The following C3orf33 variants were observed in gnomAD, a reference collection of about 807,000 sequenced individuals.
C3orf33 encodes the protein AP-1 activity suppressor.
In C3orf33, 23 loss-of-function variants were observed where a neutral mutation model predicts 28.7. That is an observed-to-expected ratio of 0.80 (90% CI 0.58 to 1.13). The LOEUF (loss-of-function observed/expected upper bound fraction) is 1.13, where lower values mean the gene tolerates loss of function less well. Ranked by LOEUF, C3orf33 falls within the 50% of genes most tolerant of loss-of-function variation. C3orf33 has a pLI of 0.00. For missense variants in C3orf33, 327 were observed against 353.4 expected (o/e 0.93, Z 0.60); for synonymous variants, 119 against 120.5 (o/e 0.99, Z 0.08).
At chr3:155,797,958 C>G (rs1751527079) in intron 2 of C3orf33, among the ~76,000 whole-genome samples, 1 of 151,778 alleles carries the variant, frequency 6.6e-6, no homozygotes, top group African/African-American at 2.4e-5. Context: ...GTAATCCCAG[C>G]TACTTGGGAG....
At chr3:155,774,623 C>A (rs1345674226) in intron 3 of C3orf33, among the ~76,000 whole-genome samples, 1 of 148,788 alleles carries the variant, frequency 6.7e-6, no homozygotes, top group Admixed American at 6.7e-5. Context: ...TATGTCCCAA[C>A]ACAAATTTGT....
At chr3:155,805,718 G>GC in intron 1 of C3orf33, 1 of 448,044 alleles carries the variant, frequency 2.2e-6, no homozygotes, top group South Asian at 1.6e-5. Flanking sequence ...GAGGAATACC[G>GC]TGTCCCTAAA....
chr3:155,768,005 G>A (rs1750467646), intron 3 of C3orf33, among the ~76,000 whole-genome samples: 1 of 152,038 alleles, frequency 6.6e-6, no homozygotes, highest in Non-Finnish European at 1.5e-5. Flanking sequence ...TCAACCTCCT[G>A]AGTAGCTGGG....
chr3:155,773,080 G>T (rs1750640134), intron 3 of C3orf33, among the ~76,000 whole-genome samples: 1 of 152,046 alleles, frequency 6.6e-6, no homozygotes, highest in African/African-American at 2.4e-5. Context: ...GCCCTCCTCA[G>T]AAATAGAATA....
intron 3 of C3orf33, among the ~76,000 whole-genome samples, chr3:155,772,118 T>C (rs1052143227): frequency 3.9e-5 from 6 of 152,172 alleles, no homozygotes; most frequent in African/African-American, 1.4e-4. Flanking sequence ...GGCAAGAGGA[T>C]AGCTTCAGCT....
chr3:155,799,245 A>G (rs1039374184), intron 2 of C3orf33, among the ~76,000 whole-genome samples: 4 of 152,232 alleles, frequency 2.6e-5, no homozygotes, highest in South Asian at 2.1e-4. Flanking sequence ...GAAGTACCAT[A>G]TGATCCAGCA....
At position 155,763,669 on chromosome 3, in the gene C3orf33, T is replaced by G; in HGVS notation, c.733A>C (p.Thr245Pro). Residue 245 changes from threonine to proline, a missense_variant, in exon 5 of 5, where the codon ACA (threonine) becomes CCA (proline). By Grantham distance (38) the Thr-to-Pro change is conservative. Transcript: ENST00000340171. ...TTCAAGCTGAAATCTGATCCTGTTG[T>G]TTTTAAAAAACTGTCCTTTTTCCAT... ...EIWKKDSFLKTTGSDFSLKKE... is the reference protein window; with the variant it reads ...EIWKKDSFLKPTGSDFSLKKE... 7 of 1,595,802 alleles carry G rather than the reference T, an allele frequency of 4.4e-6. No homozygotes were observed. The highest frequency in any genetic ancestry group is 1.4e-5 in the African/African-American group (1 of 73,732).
intron 1 of C3orf33, among the ~76,000 whole-genome samples, 165 bp from the exon 2 acceptor site, chr3:155,802,756 C>T (rs890060376): frequency 6.6e-6 from 1 of 152,092 alleles, no homozygotes; most frequent in African/African-American, 2.4e-5. Context: ...ACTGTCCACT[C>T]GTTCATTATG....
In C3orf33 at chr3:155,763,758, A is replaced by C; in HGVS notation, c.644T>G (p.Ile215Arg). The C allele has an allele frequency of 6.2e-7, 1 of 1,605,522 alleles. No homozygotes were observed. Among genetic ancestry groups the C allele is most frequent in the Non-Finnish European group, 8.5e-7 (1 of 1,177,452 alleles). The change falls in exon 5 of 5, where the codon ATA becomes AGA. Residue 215 changes from isoleucine to arginine, a missense_variant. By Grantham distance (97) the Ile-to-Arg change is moderately conservative. Transcript: ENST00000340171. ...ELTALKKGEG[I>R]WKEDSEKESY... ...TTCTTTTTCAGAGTCTTCCTTCCAT[A>C]TTCCTTCTCCTTTTTTTAAGGCTGT...
intron 2 of C3orf33, among the ~76,000 whole-genome samples, chr3:155,778,789 A>C (rs1251771938): frequency 6.6e-6 from 1 of 152,194 alleles, no homozygotes; most frequent in Non-Finnish European, 1.5e-5. Context: ...AATACCAATG[A>C]ATTAATCAAT....
chr3:155,770,962 CTGTGTGTGTG>C (rs3068982), intron 3 of C3orf33, among the ~76,000 whole-genome samples: 25 of 129,926 alleles, frequency 1.9e-4, no homozygotes, highest in Admixed American at 1.7e-3. Flanking sequence ...GCATGAACCA[CTGTGTGTGTG>C]TGTGTGTGTG....
chr3:155,800,565 A>G (rs1391877785), intron 2 of C3orf33, among the ~76,000 whole-genome samples: 1 of 134,368 alleles, frequency 7.4e-6, no homozygotes, highest in African/African-American at 2.7e-5. Flanking sequence ...AGCCATGATC[A>G]TGCCAGTGCA....
At position 155,806,222 on chromosome 3, in the gene C3orf33, G is replaced by A. The variant is rs1194315126; in HGVS notation, c.31C>T (p.Pro11Ser). 6.7e-7 allele frequency: 1 copy of A among 1,483,292 alleles called. No individual in the cohort carries two copies. The allele number at this position is 1,483,292 out of a possible 1,614,324, so 91.9% of individuals were successfully genotyped here. A position where few individuals can be genotyped will look rare whatever the true frequency, so the allele number is the denominator to read the frequency against. MAGQPAATGS[P>S]SADKDGMEPN... ...TCCATTCCGTCCTTGTCGGCAGACGGCGAGCCGGTGGCCGCGGGCTGCCCC... is the reference window on the plus strand; with the variant it reads ...TCCATTCCGTCCTTGTCGGCAGACGACGAGCCGGTGGCCGCGGGCTGCCCC... Residue 11 changes from proline (P) to serine (S), a missense_variant, in exon 1 of 5, where the codon CCG becomes TCG. Physicochemically the swap from Pro to Ser is moderately conservative, Grantham distance 74 (BLOSUM62 -1). Coordinates refer to ENST00000340171, the MANE Select transcript of C3orf33 (RefSeq NM_001308229.2).
At chr3:155,803,065 G>C (rs1405877558) in intron 1 of C3orf33, among the ~76,000 whole-genome samples, 2 of 152,066 alleles carry the variant, frequency 1.3e-5, no homozygotes, top group South Asian at 4.1e-4. Context: ...TAAGTATTTA[G>C]TAGAAAATTT....
At chr3:155,794,668 T>C (rs1293662252) in intron 2 of C3orf33, among the ~76,000 whole-genome samples, 2 of 151,468 alleles carry the variant, frequency 1.3e-5, no homozygotes, top group Admixed American at 1.3e-4. Context: ...ACACATAGAT[T>C]GAAAATAAAG....
chr3:155,767,701 T>G (rs1265076213), intron 3 of C3orf33, 32 bp from the exon 4 acceptor site: 1 of 1,433,654 alleles, frequency 7.0e-7, no homozygotes, highest in Non-Finnish European at 9.3e-7. Flanking sequence ...GAGTTTAGCT[T>G]TAACAGCATG....
In C3orf33 at chr3:155,805,234, G is replaced by A. The variant is rs375917796; in HGVS notation, c.114+905C>T. Among the ~76,000 whole-genome samples the A allele has an allele frequency of 1.7e-3, 252 of 151,548 alleles. 1 individual carries two copies. Among genetic ancestry groups the A allele is most frequent in the South Asian group, 8.6e-3 (41 of 4,788 alleles). ...TCCCAGTGCTTTGGGAGGCCGAGGC[G>A]GGCAGATCTCTTGAGACCAGGAGTT... On this transcript the variant is annotated intron_variant, in intron 1 of 4. Coordinates refer to ENST00000340171, the MANE Select transcript of C3orf33 (RefSeq NM_001308229.2).
intron 3 of C3orf33, among the ~76,000 whole-genome samples, chr3:155,773,037 A>G (rs1427188103): frequency 6.6e-6 from 1 of 152,200 alleles, no homozygotes; most frequent in African/African-American, 2.4e-5. Context: ...CTTCTTAGTA[A>G]GAGTGAGCTC....
intron 2 of C3orf33, among the ~76,000 whole-genome samples, chr3:155,780,457 T>C (rs1750883784): frequency 6.6e-6 from 1 of 152,244 alleles, no homozygotes; most frequent in African/African-American, 2.4e-5. Context: ...ATCAAAAGAT[T>C]ATTATAAGCA....
Sources: allele counts gnomAD v4.1 joint callset (sites outside exome capture counted in the v4.1 genomes callset), GRCh38; gene constraint gnomAD v4.1.1; transcripts MANE v1.5; gene names NCBI Gene and HGNC (gene_info 2026-07-23, HGNC 2026-07-21).